CLVS1: variants seen among roughly 807,000 people sequenced by gnomAD.
CLVS1 encodes the protein clavesin-1.
CLVS1 carries 10 observed loss-of-function variants against 33.1 expected under a neutral mutation model. The ratio of observed to expected loss-of-function variants is 0.30; its 90% confidence interval spans 0.19 to 0.51. The LOEUF (loss-of-function observed/expected upper bound fraction) is 0.51, where lower values mean the gene tolerates loss of function less well. Ranked by LOEUF, CLVS1 falls within the 20% of genes least tolerant of loss-of-function variation. CLVS1 has a pLI of 0.97. For synonymous variants in CLVS1, 163 were observed against 166.1 expected (o/e 0.98, Z 0.14); for missense variants, 343 against 433.4 (o/e 0.79, Z 1.85).
At chr8:61,145,956 T>G (rs572638615) in intron 2 of CLVS1, among the ~76,000 whole-genome samples, 4 of 152,248 alleles carry the variant, frequency 2.6e-5, no homozygotes, top group Admixed American at 6.5e-5. Flanking sequence ...TTCTGTGGGT[T>G]ACTGGAAGGC....
At chr8:61,316,623 G>A (rs557439485) in intron 2 of CLVS1, among the ~76,000 whole-genome samples, 3 of 152,240 alleles carry the variant, frequency 2.0e-5, no homozygotes, top group East Asian at 3.9e-4. Context: ...GAAGTGTAAG[G>A]ACATTAAAAA....
intron 3 of CLVS1, among the ~76,000 whole-genome samples, chr8:61,423,851 C>T (rs1815776864): frequency 6.6e-6 from 1 of 152,080 alleles, no homozygotes; most frequent in Non-Finnish European, 1.5e-5. Context: ...ACTTGAGCAA[C>T]ATTAAAGGAT....
At chr8:61,460,121 G>A (rs554239930) in intron 5 of CLVS1, among the ~76,000 whole-genome samples, 17 of 152,268 alleles carry the variant, frequency 1.1e-4, no homozygotes, top group Admixed American at 8.5e-4. Context: ...TTGGGGATGA[G>A]GAAGACTTCA....
intron 2 of CLVS1, among the ~76,000 whole-genome samples, chr8:61,309,111 C>T (rs977230666): frequency 1.3e-5 from 2 of 152,128 alleles, no homozygotes. Flanking sequence ...GGCAGTGATG[C>T]GTGTGCATTA....
chr8:61,445,419 A>G (rs1033726723), intron 3 of CLVS1, among the ~76,000 whole-genome samples: 1 of 151,906 alleles, frequency 6.6e-6, no homozygotes. Context: ...TTCCTGGGAG[A>G]TCTGATTCTT....
chr8:61,111,060 G>A (rs1206500041), intron 1 of CLVS1, among the ~76,000 whole-genome samples: 2 of 152,098 alleles, frequency 1.3e-5, no homozygotes, highest in Non-Finnish European at 2.9e-5. Flanking sequence ...CCCAGAGATT[G>A]GATTGCTGGA....
At chr8:61,179,406 C>A (rs1041563073) in intron 2 of CLVS1, among the ~76,000 whole-genome samples, 3 of 152,114 alleles carry the variant, frequency 2.0e-5, no homozygotes, top group South Asian at 4.2e-4. Flanking sequence ...GACTTTAACA[C>A]CCCACTGTCA....
the CLVS1 span, among the ~76,000 whole-genome samples, chr8:61,014,472 AAAG>A: frequency 6.6e-6 from 1 of 152,214 alleles, no homozygotes; most frequent in Non-Finnish European, 1.5e-5. Context: ...TCTAGGAATT[AAAG>A]GAGTATGGGC....
At chr8:61,285,580 C>T (rs1342434673), upstream of CLVS1, among the ~76,000 whole-genome samples, 1 of 152,170 alleles carries the variant, frequency 6.6e-6, no homozygotes, top group African/African-American at 2.4e-5. Context: ...TTTATGCTGC[C>T]TGACCTCGCT....
intron 2 of CLVS1, among the ~76,000 whole-genome samples, chr8:61,362,139 G>A (rs1813005611): frequency 6.6e-6 from 1 of 152,194 alleles, no homozygotes; most frequent in Non-Finnish European, 1.5e-5. Context: ...GGCCTACTCA[G>A]GAAAAGGGCT....
chr8:61,272,420 C>G (rs1362534939), intron 2 of CLVS1, among the ~76,000 whole-genome samples: 23 of 151,746 alleles, frequency 1.5e-4, no homozygotes, highest in Middle Eastern at 3.4e-3. Flanking sequence ...TCTGGCTGCC[C>G]TTAACATTTT....
At chr8:61,450,313 C>CA (rs1036437245) in intron 3 of CLVS1, among the ~76,000 whole-genome samples, 4 of 151,424 alleles carry the variant, frequency 2.6e-5, no homozygotes, top group South Asian at 4.2e-4. Flanking sequence ...TTTTAAAAAG[C>CA]AAAAAAAACT....
At chr8:61,368,031 C>T (rs924185130) in intron 2 of CLVS1, among the ~76,000 whole-genome samples, 2 of 152,188 alleles carry the variant, frequency 1.3e-5, no homozygotes, top group Non-Finnish European at 2.9e-5. Context: ...GCATTTGATG[C>T]TGATTTCATT....
At chr8:60,966,288 C>A in the CLVS1 span, 1 of 445,184 alleles carries the variant, frequency 2.2e-6, no homozygotes, top group East Asian at 7.0e-5. Flanking sequence ...GTGAGCTATG[C>A]AGCCCAGGTG....
intron 2 of CLVS1, among the ~76,000 whole-genome samples, chr8:61,193,126 T>C (rs1306917314): frequency 4.6e-5 from 7 of 152,106 alleles, no homozygotes; most frequent in African/African-American, 1.7e-4. Flanking sequence ...AACCCAAATG[T>C]CCATCAATGA....
At chr8:61,005,673 G>T in the CLVS1 span, among the ~76,000 whole-genome samples, 1 of 152,172 alleles carries the variant, frequency 6.6e-6, no homozygotes, top group African/African-American at 2.4e-5. Context: ...AAACTGCCGA[G>T]ATATTTAAAA....
chr8:61,399,290 G>A (rs1424783307), intron 3 of CLVS1, among the ~76,000 whole-genome samples: 2 of 152,200 alleles, frequency 1.3e-5, no homozygotes, highest in Non-Finnish European at 2.9e-5. Flanking sequence ...AATGATCAGT[G>A]ATGTTAAGCT....
At chr8:61,280,053 AG>A (rs1274790901) in intron 2 of CLVS1, among the ~76,000 whole-genome samples, 1 of 152,204 alleles carries the variant, frequency 6.6e-6, no homozygotes, top group Non-Finnish European at 1.5e-5. Context: ...TTCAAAGCAT[AG>A]GGGTAAAAGA....
chr8:61,056,890 C>G (rs34695877), upstream of CLVS1, among the ~76,000 whole-genome samples: 1 of 152,182 alleles, frequency 6.6e-6, no homozygotes, highest in Non-Finnish European at 1.5e-5. Flanking sequence ...CTACCGGCTT[C>G]CTTCCTGCTT....
Sources: gnomAD v4.1 joint callset for allele counts (sites outside exome capture counted in the v4.1 genomes callset) on GRCh38, gnomAD v4.1.1 for gene constraint, MANE v1.5 for transcripts, NCBI Gene and HGNC (gene_info 2026-07-23, HGNC 2026-07-21) for gene names.